Variants in SRGAP3 observed in about 807,000 individuals in gnomAD.
The protein encoded by SRGAP3 is SLIT-ROBO Rho GTPase-activating protein 3.
SRGAP3 carries 39 observed loss-of-function variants against 121.1 expected under a neutral mutation model. That is an observed-to-expected ratio of 0.32 (90% CI 0.25 to 0.42). SRGAP3 has a LOEUF of 0.42. Among genes scored for constraint, SRGAP3 ranks in the 10% least tolerant of loss-of-function variants. The pLI, the probability that SRGAP3 is intolerant of heterozygous loss-of-function variation, is 1.00. For synonymous variants in SRGAP3, 601 were observed against 570.0 expected (o/e 1.05, Z -0.77); for missense variants, 1,213 against 1,470.6 (o/e 0.82, Z 2.86).
intron 4 of SRGAP3, among the ~76,000 whole-genome samples, chr3:9,079,290 C>A (rs1222150069): frequency 6.6e-6 from 1 of 152,146 alleles, no homozygotes; most frequent in African/African-American, 2.4e-5. Context: ...TGGGTCTACC[C>A]ACCCCACTCC....
At chr3:9,046,826 C>A (rs1036791984) in intron 10 of SRGAP3, among the ~76,000 whole-genome samples, 9 of 139,150 alleles carry the variant, frequency 6.5e-5, no homozygotes, top group Admixed American at 4.9e-4. Flanking sequence ...CCTCTATTTT[C>A]TTTTCTTTTC....
chr3:9,163,803 G>T (rs918580229), intron 1 of SRGAP3, among the ~76,000 whole-genome samples: 2 of 152,020 alleles, frequency 1.3e-5, no homozygotes, highest in Non-Finnish European at 2.9e-5. Flanking sequence ...AGGAAACACT[G>T]ACACTCCCAG....
chr3:9,281,117 A>G (rs1954669090), intron 3 of SRGAP3, among the ~76,000 whole-genome samples: 1 of 152,202 alleles, frequency 6.6e-6, no homozygotes, highest in South Asian at 2.1e-4. Flanking sequence ...TGCATTCTCT[A>G]CTTAGGTTTC....
chr3:9,216,496 A>G (rs1481411158), intron 1 of SRGAP3: 3 of 152,616 alleles, frequency 2.0e-5, no homozygotes, highest in African/African-American at 7.2e-5. Flanking sequence ...TTCCTCCTAC[A>G]CTTCAGGCTG....
intron 2 of SRGAP3, among the ~76,000 whole-genome samples, chr3:9,119,312 G>T (rs1013050846): frequency 3.9e-5 from 6 of 152,166 alleles, no homozygotes; most frequent in Non-Finnish European, 5.9e-5. Flanking sequence ...GTCCCTGCCT[G>T]GAGAGCTATA....
At chr3:9,176,832 C>G (rs1373566146) in intron 1 of SRGAP3, among the ~76,000 whole-genome samples, 1 of 152,178 alleles carries the variant, frequency 6.6e-6, no homozygotes, top group Non-Finnish European at 1.5e-5. Flanking sequence ...CCTCCTCTAC[C>G]CTGACCCAAA....
chr3:9,258,474 G>A (rs1315654680), intron 3 of SRGAP3, among the ~76,000 whole-genome samples: 1 of 152,210 alleles, frequency 6.6e-6, no homozygotes, highest in Non-Finnish European at 1.5e-5. Flanking sequence ...CAGGAGCCCT[G>A]AAGGGAACTG....
intron 3 of SRGAP3, 32 bp from the exon 4 acceptor site, chr3:9,080,119 G>A: frequency 1.2e-6 from 2 of 1,612,452 alleles, no homozygotes; most frequent in African/African-American, 1.3e-5. Flanking sequence ...GTCAGCGGGG[G>A]AGAAGTTTGC....
intron 1 of SRGAP3, among the ~76,000 whole-genome samples, chr3:9,168,938 G>A (rs1408799907): frequency 1.3e-5 from 2 of 152,210 alleles, no homozygotes; most frequent in African/African-American, 4.8e-5. Context: ...TTAGAGAAAG[G>A]TGTCCCTTCC....
At chr3:9,237,611 C>T (rs1314849469) in intron 1 of SRGAP3, among the ~76,000 whole-genome samples, 11 of 152,182 alleles carry the variant, frequency 7.2e-5, no homozygotes, top group Admixed American at 7.2e-4. Context: ...AAGTGGCAAT[C>T]CAGGGCAAGA....
intron 10 of SRGAP3, 71 bp downstream of exon 10, chr3:9,047,320 C>T (rs1446678469): frequency 4.8e-5 from 72 of 1,505,446 alleles, no homozygotes; most frequent in South Asian, 3.0e-4. Flanking sequence ...CAGCTCAACA[C>T]GTCAGGGGGC....
At chr3:9,007,876 G>A (rs911181972) in intron 18 of SRGAP3, 71 of 152,180 alleles carry the variant, frequency 4.7e-4, no homozygotes, top group African/African-American at 1.2e-3. Flanking sequence ...TCACTATTCT[G>A]CCACTGTTTG....
At position 8,985,228 on chromosome 3, in the gene SRGAP3, G is replaced by T. The variant is rs143155288; in HGVS notation, c.*291C>A. The T allele has an allele frequency of 1.9e-6, 1 of 514,038 alleles. No individual in the cohort carries two copies. The highest frequency in any genetic ancestry group is 3.4e-6 in the Non-Finnish European group (1 of 290,002). 31.8% of individuals were successfully genotyped at this position (514,038 alleles called of 1,614,324 possible). A position where few individuals can be genotyped will look rare whatever the true frequency, so the allele number is the denominator to read the frequency against. On this transcript the variant is annotated 3_prime_UTR_variant, in exon 22 of 22. Coordinates refer to ENST00000383836, the MANE Select transcript of SRGAP3 (RefSeq NM_014850.4). This position sits in a 1 kb window ranked among gnomAD's most constrained non-coding sequence, Gnocchi z 5.1. The stretch of plus-strand genomic sequence containing the variant: ...AGGAAGTTTCCAGTGACGATATGCG[G>T]GAGAAGCCATGTGGTATTTTGCCTC...
At chr3:9,244,907 A>T (rs544972826) in intron 1 of SRGAP3, among the ~76,000 whole-genome samples, 1 of 152,310 alleles carries the variant, frequency 6.6e-6, no homozygotes, top group South Asian at 2.1e-4. Flanking sequence ...TATTGGAGAA[A>T]CACAGCAGAC....
chr3:9,118,693 C>T lies in SRGAP3; in HGVS notation c.260+6032G>A, dbSNP rs59255350. On this transcript the variant is annotated intron_variant, in intron 2 of 21. Coordinates refer to ENST00000383836, the MANE Select transcript of SRGAP3 (RefSeq NM_014850.4). The stretch of plus-strand genomic sequence containing the variant: ...GCTTGTTAAATGCAGATTGCCAGGC[C>T]CCCCCCCCAAGAAGTTCTGATCCAG... 9.9e-3 allele frequency among the ~76,000 whole-genome samples: 551 copies of T among 55,514 alleles called. 3 individuals are homozygous for T. Among genetic ancestry groups the T allele is most frequent in the African/African-American group, 0.017 (510 of 29,868 alleles). The allele number at this position is 55,514 out of a possible 152,430, so 36.4% of individuals were successfully genotyped here.
At chr3:8,986,030 G>T (rs1393377994) in intron 21 of SRGAP3, 98 bp from the exon 22 acceptor site, 8 of 1,576,134 alleles carry the variant, frequency 5.1e-6, no homozygotes, top group Middle Eastern at 1.7e-4. Flanking sequence ...AGGTTCCCCA[G>T]AAGCCTCGCG....
At chr3:9,357,933 G>A (rs983323335) in intron 1 of SRGAP3, among the ~76,000 whole-genome samples, 6 of 151,302 alleles carry the variant, frequency 4.0e-5, no homozygotes, top group South Asian at 2.1e-4. Context: ...GGAATGCAGT[G>A]GCACAATCCC....
chr3:9,293,733 A>C (rs2125271429), intron 3 of SRGAP3, among the ~76,000 whole-genome samples: 1 of 152,350 alleles, frequency 6.6e-6, no homozygotes, highest in African/African-American at 2.4e-5. Flanking sequence ...CATACGAAAA[A>C]AAATCTCAGC....
At chr3:9,170,271 C>T (rs747855555) in intron 1 of SRGAP3, among the ~76,000 whole-genome samples, 1 of 152,200 alleles carries the variant, frequency 6.6e-6, no homozygotes, top group Non-Finnish European at 1.5e-5. Flanking sequence ...CGAAGCCCTG[C>T]ATCACGTCAG....
Sources: allele counts gnomAD v4.1 joint callset (sites outside exome capture counted in the v4.1 genomes callset), GRCh38; gene constraint gnomAD v4.1.1; non-coding constraint Gnocchi (gnomAD v3.1); transcripts MANE v1.5; gene names NCBI Gene and HGNC (gene_info 2026-07-23, HGNC 2026-07-21).